The following PATL2 variants were observed in gnomAD, a reference collection of about 807,000 sequenced individuals.
PATL2 encodes the protein PAT1 homolog 2, also known as protein PAT1 homolog 2.
PATL2 carries 73 observed loss-of-function variants against 77.0 expected under a neutral mutation model. The observed-to-expected ratio is 0.95, with a 90% CI of 0.78 to 1.15. PATL2 has a LOEUF of 1.15. PATL2 is among the 50% of genes most tolerant of loss of function. PATL2 has a pLI of 0.00. For missense variants in PATL2, 618 were observed against 655.4 expected (o/e 0.94, Z 0.62); for synonymous variants, 265 against 257.1 (o/e 1.03, Z -0.29).
intron 4 of PATL2, chr15:44,676,236 G>T: frequency 1.9e-6 from 1 of 540,334 alleles, no homozygotes; most frequent in Non-Finnish European, 3.4e-6. Flanking sequence ...ACGTGCATAT[G>T]TTCATTTAAC....
At chr15:44,676,111 G>T (rs1415799874) in intron 4 of PATL2, 1 of 360,816 alleles carries the variant, frequency 2.8e-6, no homozygotes, top group Non-Finnish European at 5.1e-6. Flanking sequence ...TTAAGTTCTA[G>T]CACAGCCTTT....
intron 3 of PATL2, among the ~76,000 whole-genome samples, chr15:44,687,752 A>C (rs1014830513): frequency 2.6e-5 from 4 of 152,194 alleles, no homozygotes; most frequent in African/African-American, 9.7e-5. Context: ...GCATTCCTAT[A>C]CACCAATAAT....
chr15:44,697,471 C>T (rs2086531678), intron 3 of PATL2: 1 of 152,148 alleles, frequency 6.6e-6, no homozygotes, highest in Non-Finnish European at 1.5e-5. Flanking sequence ...TTCCAATTTT[C>T]CATCATGTGC....
At chr15:44,677,456 T>A (rs1448874615) in intron 3 of PATL2, among the ~76,000 whole-genome samples, 1 of 152,194 alleles carries the variant, frequency 6.6e-6, no homozygotes, top group Non-Finnish European at 1.5e-5. Context: ...CAGTCTTACA[T>A]CTTCTTGGCT....
At chr15:44,675,808 T>C in intron 4 of PATL2, 117 bp from the exon 5 acceptor site, 1 of 855,186 alleles carries the variant, frequency 1.2e-6, no homozygotes, top group East Asian at 2.7e-5. Context: ...GCACCACCTT[T>C]GAACATAACG....
chr15:44,698,219 C>T (rs982798765), intron 3 of PATL2, among the ~76,000 whole-genome samples: 8 of 151,774 alleles, frequency 5.3e-5, no homozygotes, highest in African/African-American at 1.9e-4. Flanking sequence ...ATCCCTTACC[C>T]CAAGCATTTA....
At chr15:44,673,749 T>G (rs1025100049) in intron 6 of PATL2, among the ~76,000 whole-genome samples, 9 of 126 alleles carry the variant, frequency 0.071, no homozygotes, top group African/African-American at 0.11. Flanking sequence ...TCAGAGCTCT[T>G]AATTCCTTCT....
At chr15:44,690,177 G>T (rs145283857) in intron 3 of PATL2, among the ~76,000 whole-genome samples, 4,540 of 152,014 alleles carry the variant, frequency 0.03, 167 homozygotes, top group East Asian at 0.14. Flanking sequence ...CAACAAGAGC[G>T]AAACTCCGTC....
At chr15:44,671,564 T>A (rs2085678298) in intron 9 of PATL2, among the ~76,000 whole-genome samples, 1 of 151,460 alleles carries the variant, frequency 6.6e-6, no homozygotes, top group African/African-American at 2.4e-5. Context: ...GCCCCATAAA[T>A]AAAGGCAGAA....
Position 44,674,167 on chromosome 15 carries a change from A to G in PATL2, c.286T>C (p.Leu96=). 6.5e-7 allele frequency: 1 copy of G among 1,549,900 alleles called. No homozygotes were observed. Among genetic ancestry groups the G allele is most frequent in the Non-Finnish European group, 8.7e-7 (1 of 1,145,408 alleles). ...AGACTCACCTGCCACAGAAAATGCA[A>G]GGAGGCAAGTGACATTCCCAGCATA... ...PGMLGMSLAS[L]HFLWQTLDYL... is the part of the protein sequence containing the mutation. The change falls in exon 6 of 18, where the codon TTG becomes CTG. Residue 96 remains leucine, a synonymous_variant. Transcript: ENST00000682850.
At chr15:44,672,357 C>T in intron 8 of PATL2, 31 bp downstream of exon 8, 1 of 1,548,806 alleles carries the variant, frequency 6.5e-7, no homozygotes, top group Admixed American at 2.0e-5. Flanking sequence ...AAATGGGCTC[C>T]CCTCAACCCT....
intron 3 of PATL2, among the ~76,000 whole-genome samples, chr15:44,691,166 T>C (rs1486572685): frequency 2.6e-5 from 4 of 152,154 alleles, no homozygotes; most frequent in African/African-American, 9.7e-5. Flanking sequence ...TTATTGTTTT[T>C]CAAAACCATG....
In PATL2 at chr15:44,672,402, A is replaced by ATGC. The variant is rs1224666697; in HGVS notation, c.498_500dup (p.Gln166dup). 4.1e-5 allele frequency: 64 copies of ATGC among 1,551,496 alleles called. No homozygotes were observed. The highest frequency in any genetic ancestry group is 5.9e-5 in the Admixed American group (3 of 50,960). On this transcript the variant is annotated inframe_insertion, in exon 8 of 18. Transcript: ENST00000682850. ...CTGGGCTTTACCTTGGTGTTTGACT[A>ATGC]TGCTGCTGCTGCTGCAAGATTCGTT...
intron 3 of PATL2, among the ~76,000 whole-genome samples, chr15:44,705,316 G>A (rs917683800): frequency 3.3e-5 from 5 of 151,960 alleles, no homozygotes; most frequent in South Asian, 2.1e-4. Context: ...CAGAGTAGCC[G>A]GGATTAAAGG....
intron 5 of PATL2, 156 bp from the exon 6 acceptor site, chr15:44,674,386 G>C: frequency 1.6e-6 from 1 of 610,966 alleles, no homozygotes; most frequent in African/African-American, 1.9e-5. Flanking sequence ...TTCAAAGTCA[G>C]CTGGGCCAGG....
At chr15:44,666,151 TTAAA>T (rs1429870448) in intron 17 of PATL2, among the ~76,000 whole-genome samples, 180 bp from the exon 18 acceptor site, 1 of 152,230 alleles carries the variant, frequency 6.6e-6, no homozygotes. Flanking sequence ...ATTCAGGTTC[TTAAA>T]TTAATTCTTG....
chr15:44,673,471 C>T (rs1168327613), intron 6 of PATL2, 94 bp from the exon 7 acceptor site: 8 of 1,450,164 alleles, frequency 5.5e-6, no homozygotes, highest in East Asian at 2.5e-5. Context: ...CTACCTTTTC[C>T]CCTCAAGAAC....
intron 15 of PATL2, among the ~76,000 whole-genome samples, chr15:44,667,990 AC>A (rs1555385551): frequency 6.6e-6 from 1 of 152,224 alleles, no homozygotes; most frequent in Non-Finnish European, 1.5e-5. Context: ...TACTAGTGTT[AC>A]ATGTATTTGA....
Position 44,676,675 on chromosome 15 carries a change from C to G in PATL2, c.-75-110G>C. On this transcript the variant is annotated intron_variant, in intron 3 of 17. Transcript: ENST00000682850. ...GCAAGATGGTTAGAGAATTCTTGGC[C>G]ATGGTCTTGAGGAGAGAGACCCTGG... is the stretch of plus-strand genomic sequence containing the variant. The G allele has an allele frequency of 2.4e-6, 3 of 1,265,854 alleles. 1 individual carries two copies. In the South Asian group the frequency reaches 4.3e-5, roughly 18 times the overall value. 78.4% of individuals were successfully genotyped at this position (1,265,854 alleles called of 1,614,324 possible). A position where few individuals can be genotyped will look rare whatever the true frequency, so the allele number is the denominator to read the frequency against.
Sources: gnomAD v4.1 joint callset for allele counts (sites outside exome capture counted in the v4.1 genomes callset) on GRCh38, gnomAD v4.1.1 for gene constraint, MANE v1.5 for transcripts, NCBI Gene and HGNC (gene_info 2026-07-23, HGNC 2026-07-21) for gene names.